CDC37L1: variants seen among roughly 807,000 people sequenced by gnomAD.
The protein encoded by CDC37L1 is cell division cycle 37 like 1, HSP90 cochaperone, also known as hsp90 co-chaperone Cdc37-like 1.
A neutral mutation model predicts 45.9 loss-of-function variants in CDC37L1; 32 were observed. The observed-to-expected ratio is 0.70, with a 90% confidence interval of 0.53 to 0.94. The LOEUF is 0.94. CDC37L1 is among the 40% of genes least tolerant of loss of function. CDC37L1 has a pLI of 0.00. For missense variants in CDC37L1, 434 were observed against 405.7 expected, an observed-to-expected ratio of 1.07 and a Z score of -0.60; for synonymous variants, 150 against 133.0, an observed-to-expected ratio of 1.13 and a Z score of -0.88.
rs757419292 is a variant in CDC37L1, at chr9:4,697,812, T to C, written c.680T>C (p.Met227Thr). 2 of 1,607,208 alleles carry C rather than the reference T, an allele frequency of 1.2e-6. No homozygotes were observed. The highest frequency in any genetic ancestry group is 1.1e-5 in the South Asian group (1 of 90,870). The change falls in exon 5 of 7, where the codon ATG becomes ACG. Residue 227 changes from methionine to threonine, a missense_variant. Transcript: ENST00000381854. ...AHQAVVMQFI[M>T]EMAKNCNVDP... ...CAAGCTGTTGTAATGCAGTTTATTA[T>C]GGAAATGGCCAAAAACTGTAATGTG...
At chr9:4,687,128 A>G (rs1841254519) in intron 2 of CDC37L1, among the ~76,000 whole-genome samples, 1 of 152,148 alleles carries the variant, frequency 6.6e-6, no homozygotes, top group African/African-American at 2.4e-5. Context: ...GAAATATGTA[A>G]ACTTTTGAGT....
In CDC37L1 at chr9:4,707,177, C is replaced by A. The variant is rs540928226; in HGVS notation, c.*1065C>A. On this transcript the variant is annotated 3_prime_UTR_variant, in exon 7 of 7. Coordinates refer to ENST00000381854, the MANE Select transcript of CDC37L1 (RefSeq NM_017913.4). Reference sequence around the variant, plus strand: ...ACAACATTTGGCATTTCCCCTTTTTCAGCTCAGTTACCATAGAATACTTCC... The same window carrying A: ...ACAACATTTGGCATTTCCCCTTTTTAAGCTCAGTTACCATAGAATACTTCC... The A allele has an allele frequency of 2.6e-5, 4 of 152,238 alleles. No homozygotes were observed. Among genetic ancestry groups the A allele is most frequent in the South Asian group, 2.1e-4 (1 of 4,832 alleles). 9.4% of individuals were successfully genotyped at this position (152,238 alleles called of 1,614,324 possible).
intron 3 of CDC37L1, among the ~76,000 whole-genome samples, chr9:4,690,923 A>G (rs56394053): frequency 0.036 from 5,505 of 152,280 alleles, 345 homozygotes; most frequent in African/African-American, 0.13. Context: ...AATACCTGCA[A>G]TTTCTGCTTT....
chr9:4,706,071 C>G lies in CDC37L1; in HGVS notation c.973C>G (p.His325Asp). The G allele has an allele frequency of 6.2e-7, 1 of 1,605,252 alleles. No homozygotes were observed. ...TCTCTGCAGCTTAAACTCGGTGGTA[C>G]ATAAAGAAGATGATGAACCCAAAAT... ...TALCSLNSVV[H>D]KEDDEPKMMD... Residue 325 changes from histidine to aspartate, a missense_variant, in exon 7 of 7, where the codon CAT becomes GAT. By Grantham distance (81) the His-to-Asp change is moderately conservative (BLOSUM62 -1). Transcript: ENST00000381854.
chr9:4,701,137 TC>T (rs1841392497), intron 5 of CDC37L1, among the ~76,000 whole-genome samples: 1 of 152,226 alleles, frequency 6.6e-6, no homozygotes, highest in African/African-American at 2.4e-5. Flanking sequence ...CAAGATCTCT[TC>T]CACTACTTGA....
chr9:4,697,342 C>T (rs1035175459), intron 4 of CDC37L1, 131 bp downstream of exon 4: 1 of 616,044 alleles, frequency 1.6e-6, no homozygotes, highest in Non-Finnish European at 2.9e-6. Context: ...GATGGAATTA[C>T]CATTTTTTGC....
At chr9:4,682,241 C>G (rs1841201684) in intron 1 of CDC37L1, among the ~76,000 whole-genome samples, 2 of 149,496 alleles carry the variant, frequency 1.3e-5, no homozygotes, top group South Asian at 4.2e-4. Context: ...TGGCTCACCA[C>G]AGCCTCCGCC....
At chr9:4,682,341 T>TC (rs1554621902) in intron 1 of CDC37L1, among the ~76,000 whole-genome samples, 3 of 144,818 alleles carry the variant, frequency 2.1e-5, no homozygotes, top group African/African-American at 8.1e-5. Context: ...TTTTTTTTTT[T>TC]TTTGAGATGG....
chr9:4,696,958 G>C (rs1841353454), intron 3 of CDC37L1, 138 bp from the exon 4 acceptor site: 1 of 576,204 alleles, frequency 1.7e-6, no homozygotes, highest in Non-Finnish European at 3.1e-6. Flanking sequence ...CTGTTGCTCT[G>C]GTAATATGAA....
At chr9:4,685,807 A>G (rs1841241684) in intron 2 of CDC37L1, among the ~76,000 whole-genome samples, 2 of 152,228 alleles carry the variant, frequency 1.3e-5, no homozygotes, top group African/African-American at 4.8e-5. Context: ...CAAATGCATG[A>G]AAAGGGGAGA....
In CDC37L1 at chr9:4,679,906, A is replaced by G. The variant is rs2295964; in HGVS notation, c.132+7A>G. 620,544 of 1,613,082 alleles carry G rather than the reference A, an allele frequency of 0.38. 129,589 individuals carry two copies. Among genetic ancestry groups the G allele is most frequent in the African/African-American group, 0.79 (59,300 of 74,978 alleles). On this transcript the variant is annotated splice_region_variant and intron_variant, in intron 1 of 6. Transcript: ENST00000381854. Reference sequence around the variant, plus strand: ...GCCAGGCGGCGGCGCCCAGGTGAGAAGGGGCCTGCGTTCTGCGGAGGGATG... The same window carrying G: ...GCCAGGCGGCGGCGCCCAGGTGAGAGGGGGCCTGCGTTCTGCGGAGGGATG...
chr9:4,703,421 T>C (rs1377963071), intron 6 of CDC37L1, among the ~76,000 whole-genome samples: 1 of 151,726 alleles, frequency 6.6e-6, no homozygotes, highest in Non-Finnish European at 1.5e-5. Context: ...TAATTAGTAA[T>C]GTTCCCCCTT....
rs572973137 is a variant in CDC37L1, at chr9:4,706,241, T to A, written c.*129T>A. ...GTTTTTGATGGGAGGGAAAGAGTAC[T>A]GAAATGTTTTGTAAATTTTTTTTAA... On this transcript the variant is annotated 3_prime_UTR_variant, in exon 7 of 7. Coordinates refer to ENST00000381854, the MANE Select transcript of CDC37L1 (RefSeq NM_017913.4). The A allele has an allele frequency of 1.1e-3, 531 of 490,402 alleles. 2 individuals are homozygous for A. Among genetic ancestry groups the A allele is most frequent in the Non-Finnish European group, 1.7e-3 (451 of 265,384 alleles). 30.4% of individuals were successfully genotyped at this position (490,402 alleles called of 1,614,324 possible).
chr9:4,702,018 C>T lies in CDC37L1; in HGVS notation c.902C>T (p.Ser301Phe), dbSNP rs759700816. The T allele has an allele frequency of 1.4e-6, 2 of 1,407,852 alleles. No individual in the cohort carries two copies. Among genetic ancestry groups the T allele is most frequent in the South Asian group, 3.4e-5 (2 of 59,076 alleles). The allele number at this position is 1,407,852 out of a possible 1,614,324, so 87.2% of individuals were successfully genotyped here. A position where few individuals can be genotyped will look rare whatever the true frequency, so the allele number is the denominator to read the frequency against. ...GTTGGATCTATAGGTTTATTAGAAT[C>T]CTTACCACAGGTAAGTTGGAAAAGT... is the stretch of plus-strand genomic sequence containing the variant. ...SGVGSIGLLESLPQNPDYLQY... is the reference protein window; with the variant it reads ...SGVGSIGLLEFLPQNPDYLQY... Residue 301 changes from serine (S) to phenylalanine (F), a missense_variant, in exon 6 of 7, where the codon TCC (serine) becomes TTC (phenylalanine). Physicochemically the swap from Ser to Phe is radical, Grantham distance 155 (BLOSUM62 -2). Transcript: ENST00000381854.
rs1222558837 is a variant in CDC37L1 at position 4,685,097 on chromosome 9, T to G, written c.353T>G (p.Val118Gly). 1 of 1,613,782 alleles carries G rather than the reference T, an allele frequency of 6.2e-7. No individual in the cohort carries two copies. Among genetic ancestry groups the G allele is most frequent in the Non-Finnish European group, 8.5e-7 (1 of 1,179,712 alleles). Residue 118 changes from valine (V) to glycine (G), a missense_variant, in exon 2 of 7, where the codon GTA (valine) becomes GGA (glycine). Physicochemically the swap from Val to Gly is moderately radical, Grantham distance 109. Transcript: ENST00000381854. ...TGGCGACAGAAAGAAGAAGCTCTAG[T>G]ACAAAGAGAGAAGATGTGTCTGTGG... Reference protein sequence around the residue: ...EEWRQKEEALVQREKMCLWST... With the variant: ...EEWRQKEEALGQREKMCLWST...
At chr9:4,686,402 C>G (rs1464295820) in intron 2 of CDC37L1, among the ~76,000 whole-genome samples, 1 of 152,118 alleles carries the variant, frequency 6.6e-6, no homozygotes, top group Non-Finnish European at 1.5e-5. Flanking sequence ...TGGGATCATT[C>G]TTTATCTGAG....
intron 2 of CDC37L1, among the ~76,000 whole-genome samples, chr9:4,686,442 A>G (rs1436547905): frequency 6.6e-6 from 1 of 152,170 alleles, no homozygotes; most frequent in African/African-American, 2.4e-5. Context: ...ATATTGTTTT[A>G]AGGGGTGCAT....
chr9:4,705,642 A>G (rs1715930581), intron 6 of CDC37L1, among the ~76,000 whole-genome samples: 1 of 152,164 alleles, frequency 6.6e-6, no homozygotes, highest in Non-Finnish European at 1.5e-5. Context: ...TTAGATGGTA[A>G]TCTTAAAAAT....
At chr9:4,688,445 C>T in intron 2 of CDC37L1, 68 bp from the exon 3 acceptor site, 1 of 842,238 alleles carries the variant, frequency 1.2e-6, no homozygotes, top group Middle Eastern at 3.4e-4. Context: ...GCTAGATATT[C>T]AGTATCTGAG....
Sources: allele counts gnomAD v4.1 joint callset (sites outside exome capture counted in the v4.1 genomes callset), GRCh38; gene constraint gnomAD v4.1.1; transcripts MANE v1.5; gene names NCBI Gene and HGNC (gene_info 2026-07-23, HGNC 2026-07-21).